The following MYH16 variants were observed in gnomAD, a reference collection of about 807,000 sequenced individuals.
The protein encoded by MYH16 is myosin heavy chain 16.
chr7:99,254,193 G>T (rs1402708820), intron 8 of MYH16: 2 of 152,150 alleles, frequency 1.3e-5, no homozygotes, highest in African/African-American at 2.4e-5. Flanking sequence ...AGGTTGCAGT[G>T]AGCCAAGATC....
chr7:99,284,168 G>A (rs1792243343), intron 25 of MYH16, 150 bp downstream of exon 7: 1 of 357,178 alleles, frequency 2.8e-6, no homozygotes, highest in African/African-American at 2.1e-5. Context: ...GATATGCAGA[G>A]AGGTAGGGGC....
chr7:99,291,358 T>C (rs1232857401), exon 31 of MYH16: 1 of 456,350 alleles, frequency 2.2e-6, no homozygotes, highest in Non-Finnish European at 4.4e-6. Context: ...ATATGAAGAG[T>C]CCCAGAGCCG....
At chr7:99,310,684 G>A (rs1792748327), downstream of MYH16, 1 of 152,192 alleles carries the variant, frequency 6.6e-6, no homozygotes, top group Non-Finnish European at 1.5e-5. Context: ...TCCCAGCTCT[G>A]ACCCACATGG....
chr7:99,247,323 C>T (rs2150806024), intron 2 of MYH16, among the ~76,000 whole-genome samples: 1 of 152,202 alleles, frequency 6.6e-6, no homozygotes, highest in East Asian at 1.9e-4. Context: ...TAGGCGTGCA[C>T]CACCACGCCC....
In MYH16 at chr7:99,283,858, T is replaced by C. The variant is rs1378707631; in HGVS notation, n.3080-15T>C. On this transcript the variant is annotated splice_polypyrimidine_tract_variant and intron_variant and non_coding_transcript_variant, in intron 24 of 41. Transcript: ENST00000439784. ...TCTCCTCGTCTACCTTCTCTTGCTG[T>C]TCTTGTCTCTGTAGCTGGAGGATAA... is the stretch of plus-strand genomic sequence containing the variant. 2.2e-6 allele frequency: 1 copy of C among 454,080 alleles called. No homozygotes were observed. The highest frequency in any genetic ancestry group is 2.4e-5 in the Admixed American group (1 of 42,410). The allele number at this position is 454,080 out of a possible 1,614,324, so 28.1% of individuals were successfully genotyped here.
intron 31 of MYH16, among the ~76,000 whole-genome samples, chr7:99,291,975 G>T (rs1421057589): frequency 1.3e-5 from 2 of 152,128 alleles, no homozygotes; most frequent in African/African-American, 2.4e-5. Context: ...GTATGGTGTT[G>T]TATACCTATA....
At chr7:99,309,883 A>G (rs1792736044), downstream of MYH16, among the ~76,000 whole-genome samples, 1 of 152,168 alleles carries the variant, frequency 6.6e-6, no homozygotes, top group Non-Finnish European at 1.5e-5. Flanking sequence ...TAAGCCAGGC[A>G]TGATGGCAGG....
intron 2 of MYH16, among the ~76,000 whole-genome samples, chr7:99,244,036 T>G (rs1478647253): frequency 6.6e-6 from 1 of 151,964 alleles, no homozygotes; most frequent in Non-Finnish European, 1.5e-5. Flanking sequence ...CATCCACCTA[T>G]CCAAACATCG....
At chr7:99,294,554 A>T (rs201031375) in intron 33 of MYH16, among the ~76,000 whole-genome samples, 21,126 of 132,704 alleles carry the variant, frequency 0.16, 1,847 homozygotes, top group African/African-American at 0.26. Context: ...AGAAAAAAAA[A>T]ATATATATAT....
intron 18 of MYH16, among the ~76,000 whole-genome samples, chr7:99,269,421 G>A (rs1229908751): frequency 6.6e-6 from 1 of 151,880 alleles, no homozygotes; most frequent in Non-Finnish European, 1.5e-5. Flanking sequence ...GACTACAGGT[G>A]CACACCTCCA....
At chr7:99,244,833 C>T (rs912946825) in intron 2 of MYH16, among the ~76,000 whole-genome samples, 1 of 152,190 alleles carries the variant, frequency 6.6e-6, no homozygotes, top group African/African-American at 2.4e-5. Context: ...AGCTCAGGAC[C>T]AGGGCTTACC....
chr7:99,241,093 A>G (rs1362959802), intron 1 of MYH16, among the ~76,000 whole-genome samples: 2 of 152,148 alleles, frequency 1.3e-5, no homozygotes, highest in Non-Finnish European at 2.9e-5. Flanking sequence ...TTTAAGGACA[A>G]CACAATTTCC....
chr7:99,256,637 T>C (rs1477847165), intron 9 of MYH16, among the ~76,000 whole-genome samples: 3 of 152,148 alleles, frequency 2.0e-5, no homozygotes, highest in Admixed American at 1.3e-4. Context: ...TAGCCAGGCA[T>C]GGTGGCGCAT....
Position 99,279,494 on chromosome 7 carries a change from C to T in MYH16, n.2660-16C>T. 2.2e-6 allele frequency: 1 copy of T among 456,344 alleles called. No homozygotes were observed. The highest frequency in any genetic ancestry group is 1.5e-5 in the South Asian group (1 of 64,538). The allele number at this position is 456,344 out of a possible 1,614,324, so 28.3% of individuals were successfully genotyped here. A position where few individuals can be genotyped will look rare whatever the true frequency, so the allele number is the denominator to read the frequency against. On this transcript the variant is annotated splice_polypyrimidine_tract_variant and intron_variant and non_coding_transcript_variant, in intron 21 of 41. Coordinates refer to ENST00000439784, the Ensembl canonical transcript of MYH16. ...GCCTGGACCCTGTCCTCGACCGGGG[C>T]TCTTTCTCCCAACAGGAGCAAGAGA...
intron 41 of MYH16, among the ~76,000 whole-genome samples, chr7:99,306,295 G>A (rs1298855788): frequency 4.6e-5 from 7 of 152,104 alleles, no homozygotes; most frequent in Admixed American, 2.6e-4. Context: ...TTGGGAGGTC[G>A]AGGTAGGTGG....
intron 23 of MYH16, among the ~76,000 whole-genome samples, chr7:99,282,551 C>A (rs1173700494): frequency 6.6e-6 from 1 of 151,690 alleles, no homozygotes; most frequent in East Asian, 1.9e-4. Flanking sequence ...TGGCTCACTG[C>A]AGCTTTGACT....
chr7:99,249,572 GTTTTTTT>G (rs1195632373), intron 4 of MYH16, among the ~76,000 whole-genome samples: 4 of 116,768 alleles, frequency 3.4e-5, no homozygotes, highest in Non-Finnish European at 5.0e-5. Context: ...GAAAAGTGCT[GTTTTTTT>G]TTTTTTTTTT....
intron 23 of MYH16, 78 bp from the exon 6 acceptor site, chr7:99,283,487 A>T: frequency 2.2e-6 from 1 of 446,828 alleles, no homozygotes; most frequent in Admixed American, 2.4e-5. Flanking sequence ...ATAGCTCAGA[A>T]GCGACGACTG....
chr7:99,278,028 A>G (rs1010762501), intron 21 of MYH16, among the ~76,000 whole-genome samples: 5 of 151,920 alleles, frequency 3.3e-5, no homozygotes, highest in Admixed American at 6.6e-5. Context: ...GCTCGATCAC[A>G]GCTCACAGCA....
Sources: allele counts gnomAD v4.1 joint callset (sites outside exome capture counted in the v4.1 genomes callset), GRCh38; gene constraint gnomAD v4.1.1; transcripts MANE v1.5; gene names NCBI Gene and HGNC (gene_info 2026-07-23, HGNC 2026-07-21).